Variants in TMEM135 observed in about 807,000 individuals in gnomAD.
TMEM135 encodes the protein transmembrane protein 135, also known as peroxisomal membrane protein 52.
A neutral mutation model predicts 60.3 loss-of-function variants in TMEM135; 30 were observed. The ratio of observed to expected loss-of-function variants is 0.50; its 90% confidence interval spans 0.37 to 0.68. The LOEUF (loss-of-function observed/expected upper bound fraction) is 0.68. TMEM135 is among the 30% of genes least tolerant of loss of function. The probability of loss-of-function intolerance (pLI) is 0.00; values close to 1 mark genes in which losing one functional copy is unlikely to be tolerated. For synonymous variants in TMEM135, 190 were observed against 186.7 expected (o/e 1.02, Z -0.14); for missense variants, 468 against 548.8 (o/e 0.85, Z 1.47).
Position 87,325,919 on chromosome 11 carries a change from T to G in TMEM135, c.*4586T>G. ...CCATCTGTCCCTCCTACGAATATGT[T>G]TTACATGAAATAATGTATTGGGTTT... On this transcript the variant is annotated 3_prime_UTR_variant, in exon 15 of 15. Coordinates refer to ENST00000305494, the MANE Select transcript of TMEM135 (RefSeq NM_022918.4). 1 of 454,038 alleles carries G rather than the reference T, an allele frequency of 2.2e-6. No individual in the cohort carries two copies. Among genetic ancestry groups the G allele is most frequent in the East Asian group, 7.0e-5 (1 of 14,386 alleles). 28.1% of individuals were successfully genotyped at this position (454,038 alleles called of 1,614,324 possible). A position where few individuals can be genotyped will look rare whatever the true frequency, so the allele number is the denominator to read the frequency against.
chr11:87,057,046 G>GGT (rs1342232712), intron 1 of TMEM135, among the ~76,000 whole-genome samples: 1 of 152,080 alleles, frequency 6.6e-6, no homozygotes, highest in East Asian at 1.9e-4. Context: ...TGAAGTGACA[G>GGT]GTGTGTGTTT....
At chr11:87,264,438 A>G (rs917276607) in intron 6 of TMEM135, among the ~76,000 whole-genome samples, 5 of 151,846 alleles carry the variant, frequency 3.3e-5, no homozygotes, top group African/African-American at 1.2e-4. Context: ...ATGTAGATAA[A>G]TGGTATTTTA....
At chr11:87,247,878 C>G (rs11534584) in intron 6 of TMEM135, among the ~76,000 whole-genome samples, 99,798 of 151,534 alleles carry the variant, frequency 0.66, 33,434 homozygotes, top group Non-Finnish European at 0.71. Flanking sequence ...TGCACCCACT[C>G]TCTGGCACTC....
At chr11:87,258,920 G>T (rs1206265435) in intron 6 of TMEM135, 16 of 1,343,392 alleles carry the variant, frequency 1.2e-5, no homozygotes, top group Non-Finnish European at 1.7e-5. Context: ...GGCCCTAGAA[G>T]TATCTGCTGC....
chr11:87,212,081 C>A (rs539098673), intron 5 of TMEM135, among the ~76,000 whole-genome samples: 1 of 152,302 alleles, frequency 6.6e-6, no homozygotes, highest in South Asian at 2.1e-4. Context: ...AGATATTGTA[C>A]ATCTGTCTAT....
intron 5 of TMEM135, among the ~76,000 whole-genome samples, chr11:87,218,787 C>A (rs545424233): frequency 6.6e-6 from 1 of 152,260 alleles, no homozygotes; most frequent in Non-Finnish European, 1.5e-5. Flanking sequence ...TATGGTGAAA[C>A]CCCGTCTCTA....
intron 3 of TMEM135, among the ~76,000 whole-genome samples, chr11:87,073,285 G>A (rs1161058670): frequency 6.6e-6 from 1 of 152,022 alleles, no homozygotes; most frequent in Non-Finnish European, 1.5e-5. Flanking sequence ...CGCCCACCTC[G>A]GCCTCCCAAA....
chr11:87,144,847 A>G (rs1938367811), intron 4 of TMEM135, among the ~76,000 whole-genome samples: 1 of 151,998 alleles, frequency 6.6e-6, no homozygotes, highest in Non-Finnish European at 1.5e-5. Context: ...TCATAATTGT[A>G]TACATTTATT....
chr11:87,179,047 A>G (rs555206514), intron 5 of TMEM135, among the ~76,000 whole-genome samples: 1 of 152,282 alleles, frequency 6.6e-6, no homozygotes, highest in East Asian at 1.9e-4. Context: ...ATTTGGTATG[A>G]TCAGACTATT....
intron 8 of TMEM135, 140 bp from the exon 9 acceptor site, chr11:87,305,796 T>TAAAGAAAGAAAGAAAG (rs1418446587): frequency 5.2e-4 from 192 of 368,120 alleles, no homozygotes; most frequent in African/African-American, 3.8e-3. Flanking sequence ...AATAAATAAA[T>TAAAGAAAGAAAGAAAG]AAATAAATAA....
chr11:87,211,711 A>T (rs1202780539), intron 5 of TMEM135, among the ~76,000 whole-genome samples: 2 of 152,144 alleles, frequency 1.3e-5, no homozygotes, highest in African/African-American at 2.4e-5. Context: ...TTCTCTTGGG[A>T]CAGAATAGCA....
intron 5 of TMEM135, among the ~76,000 whole-genome samples, chr11:87,207,331 G>A (rs1940257203): frequency 6.6e-6 from 1 of 152,054 alleles, no homozygotes; most frequent in African/African-American, 2.4e-5. Flanking sequence ...ATTGACTTTG[G>A]AAGTTCCGCT....
intron 4 of TMEM135, among the ~76,000 whole-genome samples, chr11:87,117,301 A>G (rs1404141790): frequency 6.6e-6 from 1 of 152,176 alleles, no homozygotes; most frequent in Non-Finnish European, 1.5e-5. Flanking sequence ...CAATTTTTTA[A>G]TATAAGACAA....
intron 5 of TMEM135, among the ~76,000 whole-genome samples, chr11:87,211,481 G>A (rs1382175442): frequency 1.3e-5 from 2 of 152,168 alleles, no homozygotes; most frequent in East Asian, 1.9e-4. Context: ...AGGAGATACT[G>A]TAGAATTGAG....
At chr11:87,041,489 G>C (rs898305934) in intron 1 of TMEM135, among the ~76,000 whole-genome samples, 1 of 152,172 alleles carries the variant, frequency 6.6e-6, no homozygotes, top group African/African-American at 2.4e-5. Flanking sequence ...AGTGGAAAGA[G>C]TCAGAACTCC....
chr11:87,168,983 C>T, intron 5 of TMEM135, among the ~76,000 whole-genome samples: 1 of 151,920 alleles, frequency 6.6e-6, no homozygotes, highest in Non-Finnish European at 1.5e-5. Flanking sequence ...TCTGGGTGCT[C>T]CTGTATTGGG....
intron 2 of TMEM135, 28 bp downstream of exon 2, chr11:87,067,849 T>G: frequency 6.2e-7 from 1 of 1,611,776 alleles, no homozygotes; most frequent in Non-Finnish European, 8.5e-7. Flanking sequence ...CCATAGATAC[T>G]AATATAGGTT....
chr11:87,318,651 A>T (rs796455625), intron 13 of TMEM135, among the ~76,000 whole-genome samples: 22 of 152,208 alleles, frequency 1.4e-4, no homozygotes, highest in African/African-American at 5.3e-4. Flanking sequence ...AACTAGTTTC[A>T]TATAAGCATT....
intron 4 of TMEM135, among the ~76,000 whole-genome samples, chr11:87,153,484 C>T (rs1382049354): frequency 2.0e-5 from 3 of 152,190 alleles, no homozygotes; most frequent in Non-Finnish European, 4.4e-5. Context: ...AATATCCATA[C>T]TGGCTATTCA....
Sources: allele counts gnomAD v4.1 joint callset (sites outside exome capture counted in the v4.1 genomes callset), GRCh38; gene constraint gnomAD v4.1.1; transcripts MANE v1.5; gene names NCBI Gene and HGNC (gene_info 2026-07-23, HGNC 2026-07-21).